The following TMCO6 variants were observed in gnomAD, a reference collection of about 807,000 sequenced individuals.
The protein encoded by TMCO6 is transmembrane and coiled-coil domains 6.
Under a neutral mutation model 61.8 loss-of-function variants are expected in TMCO6, and 47 were observed. The observed-to-expected ratio is 0.76, with a 90% CI of 0.60 to 0.97. The LOEUF (loss-of-function observed/expected upper bound fraction) is 0.97, where lower values mean the gene tolerates loss of function less well. Ranked by LOEUF, TMCO6 falls within the 50% of genes least tolerant of loss-of-function variation. The probability of loss-of-function intolerance (pLI) is 0.00; values close to 1 mark genes in which losing one functional copy is unlikely to be tolerated. For missense variants in TMCO6, 557 were observed against 601.6 expected, an observed-to-expected ratio of 0.93 and a Z score of 0.78; for synonymous variants, 261 against 254.2, an observed-to-expected ratio of 1.03 and a Z score of -0.25.
the TMCO6 span, among the ~76,000 whole-genome samples, chr5:140,606,128 T>C: frequency 9.5e-6 from 1 of 104,830 alleles, no homozygotes; most frequent in South Asian, 3.6e-4. Context: ...TCCTTTTCCT[T>C]TTCCCCTTCC....
chr5:140,638,812 C>G (rs934739739), upstream of TMCO6: 1 of 152,250 alleles, frequency 6.6e-6, no homozygotes, highest in Non-Finnish European at 1.5e-5. Flanking sequence ...CCGCCCAGGC[C>G]TCCCAAAGTG....
chr5:140,617,037 T>A, the TMCO6 span, among the ~76,000 whole-genome samples: 1 of 149,668 alleles, frequency 6.7e-6, no homozygotes. Flanking sequence ...AGCCAAACCG[T>A]CTCAGGCAAA....
At chr5:140,643,385 C>T (rs1757168527) in intron 7 of TMCO6, 179 bp from the exon 8 acceptor site, 8 of 671,278 alleles carry the variant, frequency 1.2e-5, no homozygotes, top group Non-Finnish European at 1.0e-5. Context: ...CTAATAGAGA[C>T]GGAGTTTCGC....
At chr5:140,632,878 A>C in the TMCO6 span, 4 of 1,614,184 alleles carry the variant, frequency 2.5e-6, no homozygotes, top group Non-Finnish European at 3.4e-6. The surrounding 1 kb of genome is among the most constrained non-coding windows in gnomAD (Gnocchi z 6.2). Context: ...GAGAAGTTGC[A>C]GACGCAGCGG....
the TMCO6 span, among the ~76,000 whole-genome samples, chr5:140,618,904 C>T: frequency 6.6e-6 from 1 of 151,968 alleles, no homozygotes; most frequent in African/African-American, 2.4e-5. Context: ...TCTAGATGAC[C>T]TAGGGTTTGG....
chr5:140,612,399 G>A, the TMCO6 span, among the ~76,000 whole-genome samples: 1 of 144,344 alleles, frequency 6.9e-6, no homozygotes, highest in African/African-American at 2.6e-5. Flanking sequence ...GAGTGCAGTG[G>A]TGCTATCTCG....
the TMCO6 span, chr5:140,633,288 C>A: frequency 3.1e-6 from 2 of 639,708 alleles, no homozygotes; most frequent in Non-Finnish European, 5.6e-6. Flanking sequence ...AGCCCCCTTC[C>A]TTTCCTGGAA....
At chr5:140,611,295 C>T in the TMCO6 span, among the ~76,000 whole-genome samples, 1,155 of 152,248 alleles carry the variant, frequency 7.6e-3, 15 homozygotes, top group African/African-American at 0.027. Flanking sequence ...GCATACTTCC[C>T]ATCACTCCCG....
chr5:140,598,035 C>T, the TMCO6 span, among the ~76,000 whole-genome samples: 2 of 152,074 alleles, frequency 1.3e-5, no homozygotes, highest in African/African-American at 4.8e-5. Context: ...CCCTCAACCC[C>T]TCTCCCCTAG....
the TMCO6 span, among the ~76,000 whole-genome samples, chr5:140,599,600 A>G: frequency 6.6e-6 from 1 of 152,246 alleles, no homozygotes; most frequent in Non-Finnish European, 1.5e-5. Context: ...TCCAGGTAGC[A>G]GTAGAATCTG....
chr5:140,635,010 G>A (rs1452113135), upstream of TMCO6, among the ~76,000 whole-genome samples: 3 of 151,914 alleles, frequency 2.0e-5, no homozygotes, highest in South Asian at 4.2e-4. Flanking sequence ...TCGAACTCCC[G>A]ACCTCAGGTG....
intron 11 of TMCO6, 116 bp from the exon 12 acceptor site, chr5:140,644,869 A>G: frequency 1.3e-6 from 2 of 1,505,894 alleles, no homozygotes; most frequent in Non-Finnish European, 1.8e-6. Flanking sequence ...CATGTCAGAA[A>G]CTTCATCCTC....
chr5:140,606,329 T>A, the TMCO6 span, among the ~76,000 whole-genome samples: 1 of 151,902 alleles, frequency 6.6e-6, no homozygotes, highest in African/African-American at 2.4e-5. Context: ...AACAAAAAAA[T>A]TGTAGAGATG....
the TMCO6 span, among the ~76,000 whole-genome samples, chr5:140,630,544 C>CTTTA: frequency 2.0e-5 from 3 of 152,136 alleles, no homozygotes; most frequent in African/African-American, 7.2e-5. Context: ...GTATTTCAGG[C>CTTTA]TTTAGCACAA....
At chr5:140,647,536 C>G, downstream of TMCO6, 2 of 1,612,352 alleles carry the variant, frequency 1.2e-6, no homozygotes, top group Non-Finnish European at 8.5e-7. Context: ...GAATCTCACG[C>G]AGGCCCAGCT....
rs751824549 is a variant in TMCO6, at chr5:140,641,491, G to A, written c.199-174G>A. ...GTGGCAGGTATGGTATTAGAACTCAGTTCTGATTCTCTGTCCACTCCACTG... is the reference window on the plus strand; with the variant it reads ...GTGGCAGGTATGGTATTAGAACTCAATTCTGATTCTCTGTCCACTCCACTG... On this transcript the variant is annotated intron_variant, in intron 2 of 11. Coordinates refer to ENST00000394671, the MANE Select transcript of TMCO6 (RefSeq NM_018502.5). 1.3e-3 allele frequency: 793 copies of A among 620,588 alleles called. 2 individuals carry two copies. Among genetic ancestry groups the A allele is most frequent in the Middle Eastern group, 2.2e-3 (5 of 2,250 alleles). 38.4% of individuals were successfully genotyped at this position (620,588 alleles called of 1,614,324 possible).
chr5:140,645,359 C>A lies in TMCO6; in HGVS notation c.*261C>A. The A allele has an allele frequency of 1.3e-6, 1 of 763,458 alleles. No homozygotes were observed. Among genetic ancestry groups the A allele is most frequent in the Non-Finnish European group, 2.3e-6 (1 of 444,368 alleles). 47.3% of individuals were successfully genotyped at this position (763,458 alleles called of 1,614,324 possible). A position where few individuals can be genotyped will look rare whatever the true frequency, so the allele number is the denominator to read the frequency against. Reference sequence around the variant, plus strand: ...CCACCCTTCATGTTTGCTTCAGCAGCTGGTAGCTTTTGATGAGACAGAATA... The same window carrying A: ...CCACCCTTCATGTTTGCTTCAGCAGATGGTAGCTTTTGATGAGACAGAATA... On this transcript the variant is annotated 3_prime_UTR_variant, in exon 12 of 12. Coordinates refer to ENST00000394671, the MANE Select transcript of TMCO6 (RefSeq NM_018502.5).
At chr5:140,610,645 T>G in the TMCO6 span, among the ~76,000 whole-genome samples, 1 of 152,220 alleles carries the variant, frequency 6.6e-6, no homozygotes, top group Admixed American at 6.5e-5. Flanking sequence ...CTAGGAGTTT[T>G]TAATATATGT....
At chr5:140,647,430 G>A (rs1156694697), downstream of TMCO6, 2 of 1,609,378 alleles carry the variant, frequency 1.2e-6, no homozygotes, top group Non-Finnish European at 1.7e-6. Flanking sequence ...GGGAGGTCGA[G>A]GTCGTGACCC....
Sources: gnomAD v4.1 joint callset for allele counts (sites outside exome capture counted in the v4.1 genomes callset) on GRCh38, gnomAD v4.1.1 for gene constraint, Gnocchi (gnomAD v3.1) non-coding constraint, MANE v1.5 for transcripts, NCBI Gene and HGNC (gene_info 2026-07-23, HGNC 2026-07-21) for gene names.